GXYLT1: variants seen among roughly 807,000 people sequenced by gnomAD.
GXYLT1 encodes the protein glycosyltransferase 8 domain containing 3.
In GXYLT1, 29 loss-of-function variants were observed where a neutral mutation model predicts 54.0. The observed-to-expected ratio is 0.54, with a 90% CI of 0.40 to 0.73. The LOEUF (loss-of-function observed/expected upper bound fraction) is 0.73. Among genes scored for constraint, GXYLT1 ranks in the 30% least tolerant of loss-of-function variants. The pLI, the probability that GXYLT1 is intolerant of heterozygous loss-of-function variation, is 0.00. For synonymous variants in GXYLT1, 176 were observed against 204.1 expected (o/e 0.86, Z 1.17); for missense variants, 490 against 553.4 (o/e 0.89, Z 1.15).
intron 5 of GXYLT1, among the ~76,000 whole-genome samples, chr12:42,101,534 A>G (rs377470474): frequency 1.3e-5 from 2 of 152,202 alleles, no homozygotes; most frequent in East Asian, 1.9e-4. Flanking sequence ...AAAGAATCCT[A>G]TATCTAAATG....
chr12:42,099,873 T>C (rs544030397), intron 5 of GXYLT1, among the ~76,000 whole-genome samples: 4 of 152,282 alleles, frequency 2.6e-5, no homozygotes, highest in African/African-American at 7.2e-5. Context: ...GTTATGGTAA[T>C]ATTAATAGAT....
At chr12:42,140,392 G>C (rs1472124745) in intron 1 of GXYLT1, among the ~76,000 whole-genome samples, 1 of 151,120 alleles carries the variant, frequency 6.6e-6, no homozygotes, top group Non-Finnish European at 1.5e-5. Context: ...GTCAGAAATT[G>C]GAAGAAAAAA....
At chr12:42,137,751 C>T (rs150553272) in intron 1 of GXYLT1, among the ~76,000 whole-genome samples, 1 of 35,818 alleles carries the variant, frequency 2.8e-5, no homozygotes, top group Non-Finnish European at 4.8e-5. Context: ...AGCGAGACTC[C>T]ATCTCAAATT....
intron 4 of GXYLT1, among the ~76,000 whole-genome samples, chr12:42,108,821 C>A (rs1446342716): frequency 6.6e-6 from 1 of 152,094 alleles, no homozygotes; most frequent in Non-Finnish European, 1.5e-5. Context: ...ATTTCCGGAA[C>A]CTTGTGTGCT....
At chr12:42,129,456 TAGA>T (rs2065581781) in intron 2 of GXYLT1, among the ~76,000 whole-genome samples, 2 of 152,166 alleles carry the variant, frequency 1.3e-5, no homozygotes, top group Non-Finnish European at 2.9e-5. Flanking sequence ...TAAACGTCAG[TAGA>T]AGCCTATTTT....
In GXYLT1 at chr12:42,087,873, T is replaced by C. The variant is rs369121568; in HGVS notation, c.1236A>G (p.Thr412=). 36 of 1,594,794 alleles carry C rather than the reference T, an allele frequency of 2.3e-5. No individual in the cohort carries two copies. The highest frequency in any genetic ancestry group is 1.7e-4 in the Middle Eastern group (1 of 5,832). ...LELELQKTVH[T]YCGKIYKIFI... Reference sequence around the variant, plus strand: ...ATATTTTGTAAATTTTTCCACAGTATGTATGCACTGTTTTTTGTAGTTCCA... The same window carrying C: ...ATATTTTGTAAATTTTTCCACAGTACGTATGCACTGTTTTTTGTAGTTCCA... Residue 412 remains threonine (T), a synonymous_variant, in exon 8 of 8, where the codon ACA becomes ACG. Transcript: ENST00000398675.
At chr12:42,118,127 T>C (rs1373021361) in intron 3 of GXYLT1, among the ~76,000 whole-genome samples, 4 of 152,196 alleles carry the variant, frequency 2.6e-5, no homozygotes, top group Non-Finnish European at 4.4e-5. Flanking sequence ...TAAACTTCAA[T>C]CCTGTTTAAG....
chr12:42,093,396 C>T (rs1454756521), intron 7 of GXYLT1, among the ~76,000 whole-genome samples: 4 of 151,980 alleles, frequency 2.6e-5, no homozygotes, highest in Non-Finnish European at 2.9e-5. Flanking sequence ...CCACTGTGCC[C>T]GGCCTAAAAA....
At chr12:42,093,905 A>G (rs770740066) in intron 7 of GXYLT1, among the ~76,000 whole-genome samples, 6 of 152,192 alleles carry the variant, frequency 3.9e-5, no homozygotes, top group Non-Finnish European at 7.3e-5. Context: ...GTCAAATAGT[A>G]TCTATTCCTC....
chr12:42,111,908 T>A (rs944732008), intron 3 of GXYLT1, among the ~76,000 whole-genome samples: 1 of 152,190 alleles, frequency 6.6e-6, no homozygotes, highest in African/African-American at 2.4e-5. Flanking sequence ...GACTGACACC[T>A]CACACAGCCA....
intron 1 of GXYLT1, among the ~76,000 whole-genome samples, chr12:42,139,231 G>T (rs1214326289): frequency 6.6e-6 from 1 of 151,856 alleles, no homozygotes; most frequent in East Asian, 1.9e-4. Context: ...TAAATCAAAA[G>T]TACATATTAT....
At chr12:42,091,509 C>T (rs2065329327) in intron 7 of GXYLT1, among the ~76,000 whole-genome samples, 2 of 152,104 alleles carry the variant, frequency 1.3e-5, no homozygotes, top group South Asian at 4.1e-4. Context: ...CCCACAAGCA[C>T]TTTTCTTCAT....
chr12:42,097,283 T>A (rs11181323), intron 7 of GXYLT1, among the ~76,000 whole-genome samples, 159 bp downstream of exon 7: 3 of 151,420 alleles, frequency 2.0e-5, no homozygotes, highest in African/African-American at 2.4e-5. Context: ...GAAAAAAAAA[T>A]GTAGAGAGAA....
chr12:42,105,821 G>C lies in GXYLT1; in HGVS notation c.861C>G (p.Phe287Leu), dbSNP rs759584290. The stretch of plus-strand genomic sequence containing the variant: ...ACTACCTGTATTAGTGACTTACCTT[G>C]AAATACTTCCTTCTCATTCGAGTCA... The part of the protein sequence containing the change: ...MNMTRMRRKY[F>L]KNDMTTVRLQ... Residue 287 changes from phenylalanine to leucine, a missense_variant, in exon 5 of 8, where the codon TTC becomes TTG. Phe to Leu is a conservative substitution (Grantham distance 22). Coordinates refer to ENST00000398675, the MANE Select transcript of GXYLT1 (RefSeq NM_173601.2). 16 of 1,609,810 alleles carry C rather than the reference G, an allele frequency of 9.9e-6. No homozygotes were observed. The South Asian group carries it at 1.8e-4, about 18-fold the overall frequency.
At chr12:42,094,084 G>A (rs1240721608) in intron 7 of GXYLT1, among the ~76,000 whole-genome samples, 4 of 151,802 alleles carry the variant, frequency 2.6e-5, no homozygotes, top group Non-Finnish European at 5.9e-5. Flanking sequence ...TGTTAGGCTA[G>A]GTGTGGTGGG....
At position 42,090,006 on chromosome 12, in the gene GXYLT1, G is replaced by T. The variant is rs1425697085; in HGVS notation, c.1162-2059C>A. Among the ~76,000 whole-genome samples the T allele has an allele frequency of 4.6e-5, 7 of 152,112 alleles. No individual in the cohort carries two copies. The East Asian group carries it at 1.3e-3, about 29-fold the overall frequency. ...AAAATGAAAGCATTTAAGAATAGAG[G>T]AAGACTATTGATTCCCAGGAGTATG... On this transcript the variant is annotated intron_variant, in intron 7 of 7. Coordinates refer to ENST00000398675, the MANE Select transcript of GXYLT1 (RefSeq NM_173601.2).
rs1410828893 is a variant in GXYLT1, at chr12:42,093,357, T to A, written c.1161+4085A>T. ...CTCAGGTGATCCGCCCGCCTCAGCC[T>A]CCCAAAGTGCTGAGATTACAGGCGT... On this transcript the variant is annotated intron_variant, in intron 7 of 7. Transcript: ENST00000398675. Among the ~76,000 whole-genome samples, 9 of 152,254 alleles carry A rather than the reference T, an allele frequency of 5.9e-5. No individual in the cohort carries two copies. The East Asian group carries it at 1.5e-3, about 26-fold the overall frequency.
intron 3 of GXYLT1, among the ~76,000 whole-genome samples, chr12:42,113,182 A>C (rs1160941402): frequency 1.3e-5 from 2 of 151,166 alleles, no homozygotes; most frequent in African/African-American, 2.5e-5. Context: ...AAATCATGCC[A>C]AAATGTAAAG....
intron 2 of GXYLT1, 72 bp downstream of exon 2, chr12:42,129,687 A>G (rs1281534103): frequency 1.2e-6 from 1 of 860,338 alleles, no homozygotes. Context: ...CTTACATCCT[A>G]TTACAAAGGT....
Sources: allele counts gnomAD v4.1 joint callset (sites outside exome capture counted in the v4.1 genomes callset), GRCh38; gene constraint gnomAD v4.1.1; transcripts MANE v1.5; gene names NCBI Gene and HGNC (gene_info 2026-07-23, HGNC 2026-07-21).